Variants in CRYBG3 observed in about 807,000 individuals in gnomAD.
The protein encoded by CRYBG3 is very large A-kinase anchor protein.
CRYBG3 carries 127 observed loss-of-function variants against 244.2 expected under a neutral mutation model. The observed-to-expected ratio is 0.52, with a 90% CI of 0.45 to 0.60. The LOEUF is 0.60. CRYBG3 is among the 20% of genes least tolerant of loss of function. The probability of loss-of-function intolerance (pLI) is 0.00; values close to 1 mark genes in which losing one functional copy is unlikely to be tolerated. For missense variants in CRYBG3, 3,325 were observed against 3,442.5 expected, an observed-to-expected ratio of 0.97 and a Z score of 0.85; for synonymous variants, 1,132 against 1,195.8, an observed-to-expected ratio of 0.95 and a Z score of 1.10.
At chr3:97,859,140 TG>T in intron 2 of CRYBG3, among the ~76,000 whole-genome samples, 1 of 152,242 alleles carries the variant, frequency 6.6e-6, no homozygotes, top group East Asian at 1.9e-4. Flanking sequence ...TTGGTTTTGC[TG>T]GGGGCAGTAT....
intron 12 of CRYBG3, among the ~76,000 whole-genome samples, chr3:97,898,483 C>T (rs1483885777): frequency 1.3e-5 from 2 of 151,964 alleles, no homozygotes; most frequent in Admixed American, 1.3e-4. Flanking sequence ...ATCTATTTTT[C>T]CTATTACATT....
chr3:97,910,614 C>T (rs1052087015), intron 15 of CRYBG3, among the ~76,000 whole-genome samples: 13 of 152,176 alleles, frequency 8.5e-5, no homozygotes, highest in South Asian at 6.2e-4. Flanking sequence ...GGTTCGCGCA[C>T]GGTGCACGCA....
intron 15 of CRYBG3, among the ~76,000 whole-genome samples, chr3:97,907,366 C>T (rs2039789726): frequency 6.6e-6 from 1 of 151,998 alleles, no homozygotes; most frequent in Non-Finnish European, 1.5e-5. Context: ...GCTGTGAATC[C>T]ATCTGGTCCT....
chr3:97,927,681 C>G (rs1408771592), intron 17 of CRYBG3, among the ~76,000 whole-genome samples: 1 of 151,960 alleles, frequency 6.6e-6, no homozygotes, highest in African/African-American at 2.4e-5. Context: ...GGTCTAATAT[C>G]CAGAATCTAA....
At chr3:97,847,665 C>A (rs1287114341) in intron 2 of CRYBG3, among the ~76,000 whole-genome samples, 1 of 152,188 alleles carries the variant, frequency 6.6e-6, no homozygotes, top group African/African-American at 2.4e-5. Context: ...GATTCTCCAA[C>A]CCAGGCCTCA....
intron 17 of CRYBG3, among the ~76,000 whole-genome samples, chr3:97,920,530 C>G (rs1279022858): frequency 6.6e-6 from 1 of 151,842 alleles, no homozygotes; most frequent in East Asian, 1.9e-4. Flanking sequence ...ATCATTACCC[C>G]CCTCCCCCCA....
intron 2 of CRYBG3, among the ~76,000 whole-genome samples, chr3:97,845,064 C>T (rs2038880031): frequency 6.6e-6 from 1 of 152,192 alleles, no homozygotes; most frequent in Admixed American, 6.5e-5. Flanking sequence ...TTCAACCTAG[C>T]CGCACAGACC....
intron 3 of CRYBG3, among the ~76,000 whole-genome samples, chr3:97,869,831 T>C (rs1188561950): frequency 6.6e-6 from 1 of 152,178 alleles, no homozygotes; most frequent in African/African-American, 2.4e-5. Context: ...CCAGGAGATA[T>C]ATAGGTTGAA....
intron 11 of CRYBG3, among the ~76,000 whole-genome samples, chr3:97,893,350 C>T (rs529581193): frequency 6.6e-6 from 1 of 152,300 alleles, no homozygotes; most frequent in East Asian, 1.9e-4. Context: ...GACTTATGTA[C>T]CAAGGACCTT....
At chr3:97,842,497 A>G (rs11718472) in intron 1 of CRYBG3, among the ~76,000 whole-genome samples, 116,214 of 151,922 alleles carry the variant, frequency 0.76, 44,996 homozygotes, top group East Asian at 0.85. Flanking sequence ...AGAGGCTGCA[A>G]TGAGCTATGA....
At chr3:97,864,126 G>T (rs1559723456) in intron 2 of CRYBG3, 91 bp from the exon 3 acceptor site, 1 of 997,636 alleles carries the variant, frequency 1.0e-6, no homozygotes, top group South Asian at 1.8e-5. Context: ...TGTATCCCTG[G>T]TGTCTACACA....
intron 16 of CRYBG3, among the ~76,000 whole-genome samples, chr3:97,912,981 GTCTCTCTTTTCTT>G (rs1026683421): frequency 1.3e-5 from 2 of 151,956 alleles, no homozygotes; most frequent in African/African-American, 4.8e-5. Flanking sequence ...ACCTATCAAA[GTCTCTCTTTTCTT>G]TTAAAATATC....
At position 97,872,004 on chromosome 3, in the gene CRYBG3, C is replaced by T; in HGVS notation, c.810C>T (p.Asp270=). The change falls in exon 4 of 22, where the codon GAC becomes GAT. Residue 270 remains aspartate (D), a synonymous_variant. Transcript: ENST00000389622. ...ACTCTAGTACAAACAGACACATTGA[C>T]CCTGGAAGTGAGATTGAGGCTGGGG... is the stretch of plus-strand genomic sequence containing the variant. ...SSDSSTNRHI[D]PGSEIEAGVL... is the part of the protein sequence containing the mutation. 1 of 1,535,810 alleles carries T rather than the reference C, an allele frequency of 6.5e-7. No individual in the cohort carries two copies. Among genetic ancestry groups the T allele is most frequent in the Admixed American group, 2.0e-5 (1 of 50,980 alleles).
intron 15 of CRYBG3, among the ~76,000 whole-genome samples, chr3:97,910,381 T>C (rs1575958982): frequency 6.6e-6 from 1 of 152,292 alleles, no homozygotes; most frequent in African/African-American, 2.4e-5. Flanking sequence ...CTCAGACTGC[T>C]GTGCTAGCAA....
chr3:97,902,701 G>T (rs2108242101), intron 15 of CRYBG3, among the ~76,000 whole-genome samples: 1 of 152,172 alleles, frequency 6.6e-6, no homozygotes, highest in South Asian at 2.1e-4. Context: ...GTGAGAACAT[G>T]CAGAGAACAC....
chr3:97,941,214 GC>G lies in CRYBG3; in HGVS notation c.8573del (p.Ala2858GlufsTer39), dbSNP rs755396208. 1 of 1,611,606 alleles carries G rather than the reference GC, an allele frequency of 6.2e-7. No individual in the cohort carries two copies. Among genetic ancestry groups the G allele is most frequent in the Admixed American group, 1.7e-5 (1 of 59,852 alleles). On this transcript the variant is annotated frameshift_variant, in exon 20 of 22. Transcript: ENST00000389622. LOFTEE classifies it high-confidence loss of function. ...ATATCTGACAGTCACTGGAAGTCTAGCAGACACCAGGGCAACATCTGTGTGC... is the reference window on the plus strand; with the variant it reads ...ATATCTGACAGTCACTGGAAGTCTAGAGACACCAGGGCAACATCTGTGTGC... ...GEYLTVTGSL[A>X]DTRATSVCIS...
chr3:97,895,429 C>T (rs994974952), intron 11 of CRYBG3, among the ~76,000 whole-genome samples: 1 of 152,120 alleles, frequency 6.6e-6, no homozygotes, highest in African/African-American at 2.4e-5. Context: ...AATAATAGCT[C>T]AGTCGAATTT....
intron 1 of CRYBG3, among the ~76,000 whole-genome samples, chr3:97,824,736 CATATT>C (rs1210435271): frequency 1.3e-5 from 2 of 152,248 alleles, no homozygotes; most frequent in South Asian, 2.1e-4. Flanking sequence ...TGATTGTACT[CATATT>C]AGGTGGTTGA....
chr3:97,835,387 A>G (rs1353169627), intron 1 of CRYBG3, among the ~76,000 whole-genome samples: 1 of 152,094 alleles, frequency 6.6e-6, no homozygotes, highest in African/African-American at 2.4e-5. Flanking sequence ...GCATTTGAGC[A>G]AAGACCCAGA....
Sources: gnomAD v4.1 joint callset for allele counts (sites outside exome capture counted in the v4.1 genomes callset) on GRCh38, gnomAD v4.1.1 for gene constraint, MANE v1.5 for transcripts, NCBI Gene and HGNC (gene_info 2026-07-23, HGNC 2026-07-21) for gene names.